The following EPHA5 variants were observed in gnomAD, a reference collection of about 807,000 sequenced individuals.
EPHA5 encodes the protein ephrin type-A receptor 5.
EPHA5 carries 60 observed loss-of-function variants against 105.0 expected under a neutral mutation model. That is an observed-to-expected ratio of 0.57 (90% CI 0.46 to 0.71). EPHA5 has a LOEUF of 0.71. Ranked by LOEUF, EPHA5 falls within the 30% of genes least tolerant of loss-of-function variation. The probability of loss-of-function intolerance (pLI) is 0.00; values close to 1 mark genes in which losing one functional copy is unlikely to be tolerated. For synonymous variants in EPHA5, 513 were observed against 449.1 expected (o/e 1.14, Z -1.80); for missense variants, 1,218 against 1,274.7 (o/e 0.96, Z 0.68).
At chr4:65,554,775 AG>A (rs1323505653) in intron 3 of EPHA5, among the ~76,000 whole-genome samples, 2 of 151,782 alleles carry the variant, frequency 1.3e-5, no homozygotes, top group East Asian at 3.9e-4. Flanking sequence ...TTTTTCATAA[AG>A]TAAATATTTA....
In EPHA5 at chr4:65,548,902, G is replaced by A. The variant is rs190728431; in HGVS notation, c.910+52739C>T. Reference sequence around the variant, plus strand: ...CACTATGTGGAAATTGGGACTTAGGGAACTTGGACAAATGTTAATTGTCTG... The same window carrying A: ...CACTATGTGGAAATTGGGACTTAGGAAACTTGGACAAATGTTAATTGTCTG... On this transcript the variant is annotated intron_variant, in intron 3 of 16. Transcript: ENST00000613740. Among the ~76,000 whole-genome samples, 1,088 of 152,230 alleles carry A rather than the reference G, an allele frequency of 7.1e-3. 6 individuals carry two copies. Among genetic ancestry groups the A allele is most frequent in the Middle Eastern group, 0.054 (16 of 294 alleles).
At chr4:65,602,741 G>T (rs1193250315) in intron 2 of EPHA5, among the ~76,000 whole-genome samples, 1 of 151,820 alleles carries the variant, frequency 6.6e-6, no homozygotes, top group East Asian at 1.9e-4. Context: ...TGAAATAAGG[G>T]ATAAAAGGAT....
intron 5 of EPHA5, among the ~76,000 whole-genome samples, chr4:65,485,357 T>A (rs1206029732): frequency 6.6e-6 from 1 of 152,108 alleles, no homozygotes; most frequent in Non-Finnish European, 1.5e-5. Context: ...ATTTGCTTAT[T>A]TTTCTTGACC....
At chr4:65,498,097 T>C (rs955449248) in intron 3 of EPHA5, among the ~76,000 whole-genome samples, 9 of 151,950 alleles carry the variant, frequency 5.9e-5, no homozygotes, top group African/African-American at 2.2e-4. Flanking sequence ...AATGATTTAA[T>C]TTGAGTTAAA....
chr4:65,525,117 A>G (rs1450654110), intron 3 of EPHA5, among the ~76,000 whole-genome samples: 2 of 151,772 alleles, frequency 1.3e-5, no homozygotes, highest in Non-Finnish European at 3.0e-5. Context: ...AATAACAGAT[A>G]TATTAAAACT....
intron 3 of EPHA5, among the ~76,000 whole-genome samples, chr4:65,512,897 A>G (rs1733757991): frequency 6.6e-6 from 1 of 152,112 alleles, no homozygotes; most frequent in South Asian, 2.1e-4. Flanking sequence ...ACATGCCAAT[A>G]TTAAAACAAT....
At chr4:65,439,898 T>C (rs1725850099) in intron 5 of EPHA5, among the ~76,000 whole-genome samples, 1 of 152,156 alleles carries the variant, frequency 6.6e-6, no homozygotes, top group Non-Finnish European at 1.5e-5. Context: ...AAAAAAAATT[T>C]GTTTGCATTA....
At chr4:65,607,229 G>A (rs1192932725) in intron 2 of EPHA5, among the ~76,000 whole-genome samples, 1 of 151,662 alleles carries the variant, frequency 6.6e-6, no homozygotes, top group Admixed American at 6.6e-5. Context: ...AAAAACCCTA[G>A]AAGAAAACCT....
At position 65,410,544 on chromosome 4, in the gene EPHA5, G is replaced by A. The variant is rs1020109287; in HGVS notation, c.1687+3740C>T. Reference sequence around the variant, plus strand: ...AAACTTGTACAAGTGACCAAATGGCGTAGAATCTAATACACATACGTATCC... The same window carrying A: ...AAACTTGTACAAGTGACCAAATGGCATAGAATCTAATACACATACGTATCC... On this transcript the variant is annotated intron_variant, in intron 7 of 16. Coordinates refer to ENST00000613740, the MANE Select transcript of EPHA5 (RefSeq NM_001281766.3). Among the ~76,000 whole-genome samples the A allele has an allele frequency of 3.2e-4, 48 of 152,074 alleles. 1 individual carries two copies. The highest frequency in any genetic ancestry group is 2.6e-3 in the Admixed American group (40 of 15,266).
chr4:65,366,718 T>C (rs574317357), intron 9 of EPHA5, among the ~76,000 whole-genome samples: 4 of 152,092 alleles, frequency 2.6e-5, no homozygotes, highest in South Asian at 4.1e-4. Context: ...TTTAATGATT[T>C]TGACATTTAA....
In EPHA5 at chr4:65,391,028, G is replaced by A. The variant is rs148209612; in HGVS notation, c.1793+13346C>T. Among the ~76,000 whole-genome samples, 699 of 152,092 alleles carry A rather than the reference G, an allele frequency of 4.6e-3. 10 individuals are homozygous for A. The highest frequency in any genetic ancestry group is 3.4e-3 in the Non-Finnish European group (234 of 67,980). On this transcript the variant is annotated intron_variant, in intron 8 of 16. Coordinates refer to ENST00000613740, the MANE Select transcript of EPHA5 (RefSeq NM_001281766.3). ...CATTGTGGAGGGGGAAGCAAGGGAC[G>A]TTTTTCATAAGGCAGCAGGAAGGAG...
In EPHA5 at chr4:65,554,981, C is replaced by CAAA. The variant is rs71205383; in HGVS notation, c.910+46657_910+46659dup. Among the ~76,000 whole-genome samples the CAAA allele has an allele frequency of 4.1e-3, 383 of 92,472 alleles. 8 individuals carry two copies. The highest frequency in any genetic ancestry group is 5.9e-3 in the African/African-American group (144 of 24,388). 60.7% of individuals were successfully genotyped at this position (92,472 alleles called of 152,430 possible). A position where few individuals can be genotyped will look rare whatever the true frequency, so the allele number is the denominator to read the frequency against. ...TTATCACTTCACCCCTATACAACAG[C>CAAA]AAAAAAAAAAAAAAAAAAAAAAAAA... On this transcript the variant is annotated intron_variant, in intron 3 of 16. Transcript: ENST00000613740.
chr4:65,394,087 C>A (rs1282528581), intron 8 of EPHA5, among the ~76,000 whole-genome samples: 3 of 152,108 alleles, frequency 2.0e-5, no homozygotes, highest in Non-Finnish European at 2.9e-5. Context: ...GAGTTGGTGA[C>A]ATTTAATTTG....
At chr4:65,574,491 AT>A (rs1456826424) in intron 3 of EPHA5, among the ~76,000 whole-genome samples, 4 of 149,160 alleles carry the variant, frequency 2.7e-5, no homozygotes, top group African/African-American at 7.3e-5. Flanking sequence ...ATTTGTGTAA[AT>A]AAAAATTTAT....
intron 2 of EPHA5, among the ~76,000 whole-genome samples, chr4:65,606,799 T>C (rs1208626718): frequency 6.6e-6 from 1 of 152,202 alleles, no homozygotes; most frequent in Admixed American, 6.5e-5. Context: ...ACATATTTCA[T>C]ATTTCAGTCA....
At chr4:65,450,108 A>T (rs1034919798) in intron 5 of EPHA5, among the ~76,000 whole-genome samples, 14 of 152,148 alleles carry the variant, frequency 9.2e-5, no homozygotes, top group Non-Finnish European at 2.1e-4. Flanking sequence ...GTTTTTAAAT[A>T]TTTTTTTTAC....
At chr4:65,325,603 G>C (rs1221886922) in intron 16 of EPHA5, among the ~76,000 whole-genome samples, 1 of 151,306 alleles carries the variant, frequency 6.6e-6, no homozygotes, top group Non-Finnish European at 1.5e-5. Context: ...GCGGTAGAGA[G>C]AGCATGGAAG....
intron 5 of EPHA5, among the ~76,000 whole-genome samples, chr4:65,461,578 ACATAT>A (rs1222933364): frequency 6.6e-6 from 1 of 152,050 alleles, no homozygotes; most frequent in Non-Finnish European, 1.5e-5. Context: ...TTCCATGAAA[ACATAT>A]CACAAAAGAG....
At chr4:65,657,163 A>G (rs1204806758) in intron 1 of EPHA5, among the ~76,000 whole-genome samples, 2 of 152,180 alleles carry the variant, frequency 1.3e-5, no homozygotes, top group Non-Finnish European at 2.9e-5. Flanking sequence ...AATCTAAAGT[A>G]CTTCATAAAA....
Sources: allele counts gnomAD v4.1 joint callset (sites outside exome capture counted in the v4.1 genomes callset), GRCh38; gene constraint gnomAD v4.1.1; transcripts MANE v1.5; gene names NCBI Gene and HGNC (gene_info 2026-07-23, HGNC 2026-07-21).